Variants in HTR2C observed in about 807,000 individuals in gnomAD.
The protein encoded by HTR2C is 5-hydroxytryptamine receptor 2C, also known as 5-hydroxytryptamine (serotonin) receptor 2C, G protein-coupled.
Under a neutral mutation model 21.0 loss-of-function variants are expected in HTR2C, and 5 were observed. The ratio of observed to expected loss-of-function variants is 0.24; its 90% CI spans 0.12 to 0.50. The LOEUF (loss-of-function observed/expected upper bound fraction) is 0.50. HTR2C is among the 20% of genes least tolerant of loss of function. The pLI is 0.98. For missense variants in HTR2C, 271 were observed against 371.2 expected, an observed-to-expected ratio of 0.73 and a Z score of 2.22; for synonymous variants, 150 against 145.3, an observed-to-expected ratio of 1.03 and a Z score of -0.23.
chrX:114,594,547 A>G (rs782254310), intron 1 of HTR2C, among the ~76,000 whole-genome samples: 2 of 111,880 alleles, frequency 1.8e-5, no homozygotes, highest in Admixed American at 9.5e-5. Flanking sequence ...CATATTGTCA[A>G]CCTTTGAACA....
At chrX:114,684,991 AT>A (rs1556414030) in intron 2 of HTR2C, among the ~76,000 whole-genome samples, 1 of 111,466 alleles carries the variant, frequency 9.0e-6, no homozygotes, top group African/African-American at 3.2e-5. Flanking sequence ...TCAATTAATA[AT>A]GAGATGTAGT....
intron 2 of HTR2C, among the ~76,000 whole-genome samples, chrX:114,669,496 A>C (rs782346182): frequency 3.6e-5 from 4 of 112,077 alleles, no homozygotes; most frequent in African/African-American, 9.7e-5. Context: ...TGAGCATAAT[A>C]ATCATCAGGC....
chrX:114,774,620 A>G (rs781937734), intron 4 of HTR2C, among the ~76,000 whole-genome samples: 2 of 111,896 alleles, frequency 1.8e-5, no homozygotes, highest in Non-Finnish European at 3.8e-5. Context: ...TATTTAAGAC[A>G]TTGCATTTTC....
At chrX:114,747,857 A>T (rs1163409611) in intron 4 of HTR2C, among the ~76,000 whole-genome samples, 1 of 112,131 alleles carries the variant, frequency 8.9e-6, no homozygotes, top group African/African-American at 3.2e-5. Context: ...ATAGAAGTGG[A>T]TTTTTCTCCA....
chrX:114,699,714 A>C (rs1373895132), intron 2 of HTR2C, among the ~76,000 whole-genome samples: 1 of 112,145 alleles, frequency 8.9e-6, no homozygotes, highest in Non-Finnish European at 1.9e-5. Flanking sequence ...ATGGAAAGCA[A>C]CCACACATAG....
At chrX:114,900,421 C>A in intron 5 of HTR2C, 1 of 243,389 alleles carries the variant, frequency 4.1e-6, no homozygotes, top group Non-Finnish European at 7.8e-6. Flanking sequence ...TTGTCCCTTG[C>A]TTTGATGACA....
rs1569496151 is a variant in HTR2C, at chrX:114,807,110, T to TATATATACACC, written c.350-40886_350-40885insCACCATATATA. 7.2e-3 allele frequency among the ~76,000 whole-genome samples: 140 copies of TATATATACACC among 19,328 alleles called. 15 individuals carry two copies. The highest frequency in any genetic ancestry group is 0.022 in the Admixed American group (21 of 967). The allele number at this position is 19,328 out of a possible 115,157, so 16.8% of individuals were successfully genotyped here. A position where few individuals can be genotyped will look rare whatever the true frequency, so the allele number is the denominator to read the frequency against. ...ATATATACCCCATATATACACCATG[T>TATATATACACC]ATATATATACCATATATACACCATA... On this transcript the variant is annotated intron_variant, in intron 4 of 5. Coordinates refer to ENST00000276198, the MANE Select transcript of HTR2C (RefSeq NM_000868.4).
intron 1 of HTR2C, among the ~76,000 whole-genome samples, chrX:114,608,027 T>C (rs1186426894): frequency 1.5e-4 from 17 of 111,442 alleles, no homozygotes; most frequent in African/African-American, 5.5e-4. Flanking sequence ...CTTACATGTA[T>C]AAAATGTTTA....
At chrX:114,789,458 G>A (rs1165222080) in intron 4 of HTR2C, among the ~76,000 whole-genome samples, 1 of 111,857 alleles carries the variant, frequency 8.9e-6, no homozygotes, top group Non-Finnish European at 1.9e-5. Context: ...TTTCGAAAGT[G>A]TCATTAATTC....
chrX:114,703,229 C>A (rs1405592812), intron 2 of HTR2C, among the ~76,000 whole-genome samples: 1 of 107,311 alleles, frequency 9.3e-6, no homozygotes, highest in Non-Finnish European at 1.9e-5. Flanking sequence ...ATCTACAGAA[C>A]TCTCCACCCC....
In HTR2C at chrX:114,602,303, T is replaced by A. The variant is rs1401997419; in HGVS notation, c.-146-11512T>A. Among the ~76,000 whole-genome samples, 2 of 15,201 alleles carry A rather than the reference T, an allele frequency of 1.3e-4. 1 individual carries two copies. The highest frequency in any genetic ancestry group is 2.5e-4 in the Non-Finnish European group (2 of 7,887). The allele number at this position is 15,201 out of a possible 115,157, so 13.2% of individuals were successfully genotyped here. A position where few individuals can be genotyped will look rare whatever the true frequency, so the allele number is the denominator to read the frequency against. ...AGATAGTAGGGATGACAAGTTTTTT[T>A]TTGGGGGGGCACAGTCTAAGTTGGT... On this transcript the variant is annotated intron_variant, in intron 1 of 5. Transcript: ENST00000276198.
intron 5 of HTR2C, among the ~76,000 whole-genome samples, chrX:114,859,171 A>G (rs2070986930): frequency 9.0e-6 from 1 of 111,058 alleles, no homozygotes; most frequent in South Asian, 3.7e-4. Flanking sequence ...TGCAAGCCTC[A>G]TAAAATGAGT....
At chrX:114,764,909 TTC>T (rs1556434046) in intron 4 of HTR2C, among the ~76,000 whole-genome samples, 1 of 71,456 alleles carries the variant, frequency 1.4e-5, no homozygotes, top group Middle Eastern at 7.9e-3. Context: ...CTTTCTTTCT[TTC>T]TTTCTTTCTT....
At chrX:114,672,989 A>G (rs1452790855) in intron 2 of HTR2C, among the ~76,000 whole-genome samples, 1 of 112,028 alleles carries the variant, frequency 8.9e-6, no homozygotes, top group African/African-American at 3.2e-5. Context: ...GATTTAGTTA[A>G]ATCTCATCTT....
At chrX:114,784,009 C>G (rs2070146353) in intron 4 of HTR2C, among the ~76,000 whole-genome samples, 1 of 109,061 alleles carries the variant, frequency 9.2e-6, no homozygotes, top group South Asian at 3.9e-4. Context: ...AAAGCATACC[C>G]TCAAAAATTA....
At chrX:114,857,955 G>A (rs1556471564) in intron 5 of HTR2C, among the ~76,000 whole-genome samples, 1 of 110,955 alleles carries the variant, frequency 9.0e-6, no homozygotes, top group Non-Finnish European at 1.9e-5. Flanking sequence ...ATCATTTATT[G>A]GAAAGATTAT....
At chrX:114,873,218 A>G (rs1275444737) in intron 5 of HTR2C, among the ~76,000 whole-genome samples, 1 of 111,644 alleles carries the variant, frequency 9.0e-6, no homozygotes, top group African/African-American at 3.2e-5. Context: ...CAATGTGACT[A>G]TTGATATGGT....
intron 4 of HTR2C, among the ~76,000 whole-genome samples, chrX:114,769,589 C>T (rs928168332): frequency 4.5e-5 from 5 of 110,886 alleles, no homozygotes; most frequent in Middle Eastern, 9.7e-3. Context: ...TTCATTATCC[C>T]ATTTTCAGTC....
At chrX:114,597,610 T>C (rs1255293820) in intron 1 of HTR2C, among the ~76,000 whole-genome samples, 2 of 111,812 alleles carry the variant, frequency 1.8e-5, no homozygotes, top group African/African-American at 6.5e-5. Flanking sequence ...TTTCACGGTA[T>C]GAGAAGAGGT....
Sources: allele counts gnomAD v4.1 joint callset (sites outside exome capture counted in the v4.1 genomes callset), GRCh38; gene constraint gnomAD v4.1.1; transcripts MANE v1.5; gene names NCBI Gene and HGNC (gene_info 2026-07-23, HGNC 2026-07-21).